Variants in SPATS2 observed in about 807,000 individuals in gnomAD.
The protein encoded by SPATS2 is spermatogenesis-associated serine-rich protein 2.
In SPATS2, 38 loss-of-function variants were observed where a neutral mutation model predicts 63.7. The observed-to-expected ratio is 0.60, with a 90% CI of 0.46 to 0.78. The LOEUF is 0.78. SPATS2 is among the 30% of genes least tolerant of loss of function. The pLI is 0.00. For synonymous variants in SPATS2, 207 were observed against 232.9 expected, an observed-to-expected ratio of 0.89 and a Z score of 1.01; for missense variants, 588 against 666.2, an observed-to-expected ratio of 0.88 and a Z score of 1.29.
intron 9 of SPATS2, among the ~76,000 whole-genome samples, chr12:49,508,236 C>G (rs2138000200): frequency 6.6e-6 from 1 of 151,628 alleles, no homozygotes; most frequent in African/African-American, 2.4e-5. Flanking sequence ...TAGACTGAGT[C>G]TCGTTCTGTC....
At chr12:49,375,472 G>C (rs1293116103) in intron 2 of SPATS2, among the ~76,000 whole-genome samples, 1 of 152,114 alleles carries the variant, frequency 6.6e-6, no homozygotes, top group Non-Finnish European at 1.5e-5. Flanking sequence ...TTATCCACTT[G>C]GTCTCTGATC....
In SPATS2 at chr12:49,475,427, C is replaced by CTTGTTGTTGTTGTTG. The variant is rs111655814; in HGVS notation, c.26-9148_26-9134dup. ...TCTTTACTGGTGTACTGGTAGAATT[C>CTTGTTGTTGTTGTTG]TTGTTGTTGTTGTTGTTGTTGTTGT... On this transcript the variant is annotated intron_variant, in intron 3 of 13. Transcript: ENST00000552918. Among the ~76,000 whole-genome samples the CTTGTTGTTGTTGTTG allele has an allele frequency of 3.9e-4, 59 of 151,390 alleles. No homozygotes were observed. The South Asian group carries it at 0.012, about 30-fold the overall frequency.
intron 2 of SPATS2, among the ~76,000 whole-genome samples, chr12:49,446,660 T>C (rs1945515935): frequency 6.6e-6 from 1 of 152,210 alleles, no homozygotes; most frequent in East Asian, 1.9e-4. Flanking sequence ...ATCTCTGTGA[T>C]GCATCTTTCT....
chr12:49,484,679 G>A lies in SPATS2; in HGVS notation c.105+10G>A. 1 of 1,612,978 alleles carries A rather than the reference G, an allele frequency of 6.2e-7. No individual in the cohort carries two copies. On this transcript the variant is annotated intron_variant, in intron 4 of 13. Transcript: ENST00000552918. ...GAACATGAAAGAGAAGGTAAGACTA[G>A]TCACTATGGATAGTAAACTTAAATG... is the stretch of plus-strand genomic sequence containing the variant.
At chr12:49,411,420 T>G (rs1441787069) in intron 2 of SPATS2, among the ~76,000 whole-genome samples, 1 of 152,120 alleles carries the variant, frequency 6.6e-6, no homozygotes, top group African/African-American at 2.4e-5. Context: ...TTGATTGAAA[T>G]GTGAAATGAA....
chr12:49,504,077 G>A (rs1051249581), intron 9 of SPATS2, among the ~76,000 whole-genome samples: 3 of 152,158 alleles, frequency 2.0e-5, no homozygotes, highest in Non-Finnish European at 4.4e-5. Flanking sequence ...TGGCAAGTGA[G>A]CTAACTCCAT....
At chr12:49,422,611 A>G (rs1366937173) in intron 2 of SPATS2, among the ~76,000 whole-genome samples, 1 of 152,184 alleles carries the variant, frequency 6.6e-6, no homozygotes, top group Non-Finnish European at 1.5e-5. Context: ...AGCATTCAAT[A>G]AAGATTAGGG....
chr12:49,405,392 C>G lies in SPATS2; in HGVS notation c.-244+34102C>G, dbSNP rs573348517. Among the ~76,000 whole-genome samples, 17 of 152,244 alleles carry G rather than the reference C, an allele frequency of 1.1e-4. No individual in the cohort carries two copies. In the East Asian group the frequency reaches 3.1e-3, roughly 28 times the overall value. ...TATAATTAATTGTTCATATGTCCAT[C>G]TCTCAAAAAGAGACTTGAGCTTGGG... On this transcript the variant is annotated intron_variant, in intron 2 of 13. Coordinates refer to ENST00000552918, the MANE Select transcript of SPATS2 (RefSeq NM_023071.4).
At chr12:49,480,448 C>T (rs1176833665) in intron 3 of SPATS2, among the ~76,000 whole-genome samples, 1 of 152,052 alleles carries the variant, frequency 6.6e-6, no homozygotes, top group African/African-American at 2.4e-5. Flanking sequence ...TAAATTAATG[C>T]ATTGTTGTTA....
intron 1 of SPATS2, among the ~76,000 whole-genome samples, chr12:49,368,948 A>G (rs1943950774): frequency 6.6e-6 from 1 of 152,112 alleles, no homozygotes; most frequent in Admixed American, 6.5e-5. Context: ...ATAATGATTT[A>G]AATTGTTACT....
chr12:49,520,396 G>A (rs1946920569), intron 11 of SPATS2, among the ~76,000 whole-genome samples: 1 of 152,184 alleles, frequency 6.6e-6, no homozygotes, highest in East Asian at 1.9e-4. Flanking sequence ...GGGATTACAG[G>A]TGTGAGCCAC....
chr12:49,490,821 C>A (rs962523217), intron 6 of SPATS2, 90 bp downstream of exon 6: 1 of 1,200,872 alleles, frequency 8.3e-7, no homozygotes, highest in Non-Finnish European at 1.2e-6. Context: ...AAAAGGTTCA[C>A]ATACATATCT....
intron 2 of SPATS2, among the ~76,000 whole-genome samples, chr12:49,375,887 C>T (rs1944092095): frequency 6.6e-6 from 1 of 152,022 alleles, no homozygotes; most frequent in East Asian, 1.9e-4. Flanking sequence ...TGGCTTACTG[C>T]AACCTCCACC....
intron 2 of SPATS2, among the ~76,000 whole-genome samples, chr12:49,453,280 T>C (rs1370172671): frequency 1.3e-5 from 2 of 152,204 alleles, no homozygotes; most frequent in Non-Finnish European, 2.9e-5. Context: ...CACACTTTGC[T>C]GCATTTTTGA....
intron 10 of SPATS2, among the ~76,000 whole-genome samples, chr12:49,516,680 T>G (rs1202536614): frequency 1.3e-5 from 2 of 149,916 alleles, no homozygotes; most frequent in African/African-American, 2.5e-5. Flanking sequence ...CACTCCAGCC[T>G]AGCGACAGAG....
intron 2 of SPATS2, among the ~76,000 whole-genome samples, chr12:49,439,672 T>G (rs1312306749): frequency 6.6e-6 from 1 of 152,200 alleles, no homozygotes; most frequent in Non-Finnish European, 1.5e-5. Context: ...CTTTGGGTGA[T>G]GAATAAAATC....
At chr12:49,428,405 G>T (rs1223502317) in intron 2 of SPATS2, among the ~76,000 whole-genome samples, 1 of 152,066 alleles carries the variant, frequency 6.6e-6, no homozygotes, top group Non-Finnish European at 1.5e-5. Flanking sequence ...TTCCCAAACT[G>T]AAACTGTACC....
chr12:49,486,689 G>A (rs1231608226), intron 4 of SPATS2, among the ~76,000 whole-genome samples: 2 of 151,708 alleles, frequency 1.3e-5, no homozygotes, highest in Admixed American at 6.6e-5. Flanking sequence ...GCTGAGGCAG[G>A]AGAGTGGCGT....
intron 9 of SPATS2, among the ~76,000 whole-genome samples, chr12:49,506,541 C>G (rs1380261785): frequency 6.6e-6 from 1 of 152,196 alleles, no homozygotes; most frequent in Non-Finnish European, 1.5e-5. Context: ...TGGCCCCACC[C>G]TTGACACTTG....
Sources: allele counts gnomAD v4.1 joint callset (sites outside exome capture counted in the v4.1 genomes callset), GRCh38; gene constraint gnomAD v4.1.1; transcripts MANE v1.5; gene names NCBI Gene and HGNC (gene_info 2026-07-23, HGNC 2026-07-21).